WFDC3: variants seen among roughly 807,000 people sequenced by gnomAD.
WFDC3 encodes WAP four-disulfide core domain 3.
Under a neutral mutation model 25.8 loss-of-function variants are expected in WFDC3, and 15 were observed. The observed-to-expected ratio is 0.58, with a 90% confidence interval of 0.39 to 0.89. The LOEUF is 0.89. WFDC3 is among the 40% of genes least tolerant of loss of function. The pLI is 0.00. For missense variants in WFDC3, 264 were observed against 289.8 expected (o/e 0.91, Z 0.65); for synonymous variants, 103 against 107.1 (o/e 0.96, Z 0.24).
At chr20:45,781,679 G>A (rs186314939) in intron 4 of WFDC3, among the ~76,000 whole-genome samples, 245 of 152,288 alleles carry the variant, frequency 1.6e-3, no homozygotes, top group African/African-American at 5.8e-3. Context: ...CACTCACTGT[G>A]AAAGTTCTCT....
intron 2 of WFDC3, among the ~76,000 whole-genome samples, chr20:45,789,505 C>CAAA (rs112440465): frequency 0.012 from 1,587 of 134,886 alleles, 35 homozygotes; most frequent in African/African-American, 0.042. Context: ...GACTCCATCT[C>CAAA]AAAAAAAAAA....
At chr20:45,776,612 AG>A (rs869225679) in intron 5 of WFDC3, among the ~76,000 whole-genome samples, 10,804 of 52,366 alleles carry the variant, frequency 0.21, 1,016 homozygotes, top group East Asian at 0.4. Context: ...AAAAAAAAAA[AG>A]AAAAAAAAGA....
At position 45,787,288 on chromosome 20, in the gene WFDC3, T is replaced by C. The variant is rs1260724323; in HGVS notation, c.358+548A>G. ...CCCAGTGGTTTTCTTTTTTCTTTTT[T>C]TTTTTTTTTTTTTTTTTTTTGAGAC... is the stretch of plus-strand genomic sequence containing the variant. On this transcript the variant is annotated intron_variant, in intron 4 of 6. Coordinates refer to ENST00000243938, the MANE Select transcript of WFDC3 (RefSeq NM_080614.2). 1.1e-4 allele frequency among the ~76,000 whole-genome samples: 12 copies of C among 112,088 alleles called. 1 individual carries two copies. The South Asian group carries it at 2.8e-3, about 26-fold the overall frequency. The allele number at this position is 112,088 out of a possible 152,430, so 73.5% of individuals were successfully genotyped here.
intron 1 of WFDC3, among the ~76,000 whole-genome samples, chr20:45,791,164 C>A (rs1980955594): frequency 7.5e-6 from 1 of 133,154 alleles, no homozygotes; most frequent in African/African-American, 2.8e-5. Context: ...CTCATATGTG[C>A]CTAATATGCT....
chr20:45,786,257 G>C (rs1168720709), intron 4 of WFDC3, among the ~76,000 whole-genome samples: 1 of 152,162 alleles, frequency 6.6e-6, no homozygotes. Flanking sequence ...AGGTGGGGTG[G>C]CATGTGCCTG....
At chr20:45,786,019 C>T (rs1381368512) in intron 4 of WFDC3, among the ~76,000 whole-genome samples, 2 of 152,194 alleles carry the variant, frequency 1.3e-5, no homozygotes, top group Admixed American at 1.3e-4. Context: ...ATGTCCATCG[C>T]ACCCTTCACC....
chr20:45,780,699 T>C (rs1291196087), intron 4 of WFDC3, among the ~76,000 whole-genome samples: 3 of 152,166 alleles, frequency 2.0e-5, no homozygotes, highest in Non-Finnish European at 4.4e-5. Flanking sequence ...AAATACTCAC[T>C]CACAGTCTGT....
intron 5 of WFDC3, among the ~76,000 whole-genome samples, chr20:45,776,278 C>CTGTGTGTGTGTGTGTGTGTG (rs3080047): frequency 9.2e-4 from 94 of 102,024 alleles, no homozygotes; most frequent in Admixed American, 1.6e-3. Context: ...GCTTTTATCT[C>CTGTGTGTGTGTGTGTGTGTG]TGTGTGTGTG....
At chr20:45,787,171 A>T (rs1980709546) in intron 4 of WFDC3, among the ~76,000 whole-genome samples, 1 of 94,414 alleles carries the variant, frequency 1.1e-5, no homozygotes, top group African/African-American at 3.8e-5. Context: ...CATAGGCATC[A>T]AGATTCTTTT....
At chr20:45,782,967 C>T (rs1343524368) in intron 4 of WFDC3, among the ~76,000 whole-genome samples, 1 of 152,190 alleles carries the variant, frequency 6.6e-6, no homozygotes, top group Admixed American at 6.5e-5. Flanking sequence ...CAAATGAAAG[C>T]AGCCTCCTTC....
intron 6 of WFDC3, 125 bp downstream of exon 6, chr20:45,775,292 G>A (rs1015359215): frequency 3.0e-6 from 4 of 1,327,388 alleles, no homozygotes; most frequent in South Asian, 1.4e-5. Context: ...TTTCATCTGG[G>A]ACATAGGTTC....
At chr20:45,786,453 A>G (rs1980670711) in intron 4 of WFDC3, among the ~76,000 whole-genome samples, 3 of 152,034 alleles carry the variant, frequency 2.0e-5, no homozygotes, top group Non-Finnish European at 2.9e-5. Context: ...GCACCCTTTA[A>G]TTTTCCTTCC....
At chr20:45,789,758 C>T in intron 2 of WFDC3, 136 bp downstream of exon 2, 1 of 697,232 alleles carries the variant, frequency 1.4e-6, no homozygotes, top group East Asian at 2.7e-5. Flanking sequence ...AGAATCTATT[C>T]ATCCAGTCCT....
At position 45,788,003 on chromosome 20, in the gene WFDC3, G is replaced by C. The variant is rs200102860; in HGVS notation, c.212-21C>G. On this transcript the variant is annotated intron_variant, in intron 3 of 6. Coordinates refer to ENST00000243938, the MANE Select transcript of WFDC3 (RefSeq NM_080614.2). The stretch of plus-strand genomic sequence containing the variant: ...CCTCCCTGTAGCAAAAAGGGAGACA[G>C]CAAAGAAAAGAGAAAATAGGCCGAG... The C allele has an allele frequency of 1.1e-5, 18 of 1,607,500 alleles. No homozygotes were observed. The African/African-American group carries it at 2.4e-4, about 22-fold the overall frequency.
In WFDC3 at chr20:45,787,977, TC is replaced by T; in HGVS notation, c.216del (p.Arg74GlufsTer13). 6.2e-7 allele frequency: 1 copy of T among 1,612,526 alleles called. No individual in the cohort carries two copies. The highest frequency in any genetic ancestry group is 1.1e-5 in the South Asian group (1 of 90,746). On this transcript the variant is annotated frameshift_variant, in exon 4 of 7. Transcript: ENST00000243938. LOFTEE classifies it high-confidence loss of function. ...CGAATAACCCTAGGGCAATCTCTTT[TC>T]CTCCCTGTAGCAAAAAGGGAGACAG... is the stretch of plus-strand genomic sequence containing the variant. Reference protein sequence around the residue: ...GRICRDIPKGRKRDCPRVIRK... With the variant: ...GRICRDIPKGXKRDCPRVIRK...
intron 4 of WFDC3, chr20:45,779,821 C>G (rs1980358317): frequency 6.6e-6 from 1 of 152,186 alleles, no homozygotes; most frequent in African/African-American, 2.4e-5. Flanking sequence ...CCCTCGTCCT[C>G]AAGACCAGGC....
chr20:45,791,025 G>A, intron 1 of WFDC3: 1 of 459,680 alleles, frequency 2.2e-6, no homozygotes, highest in African/African-American at 2.0e-5. Context: ...CACTGGCACT[G>A]CTTAGTCCTA....
chr20:45,783,798 G>C (rs1411595738), intron 4 of WFDC3, among the ~76,000 whole-genome samples: 2 of 152,170 alleles, frequency 1.3e-5, no homozygotes, highest in Non-Finnish European at 2.9e-5. Context: ...ATTTTTCATA[G>C]CCCTGGAAGG....
intron 4 of WFDC3, among the ~76,000 whole-genome samples, chr20:45,784,495 A>G (rs1386665554): frequency 1.3e-5 from 2 of 152,252 alleles, no homozygotes; most frequent in Non-Finnish European, 2.9e-5. Flanking sequence ...TAATCCCAGC[A>G]CTTTGGGAGG....
Sources: gnomAD v4.1 joint callset for allele counts (sites outside exome capture counted in the v4.1 genomes callset) on GRCh38, gnomAD v4.1.1 for gene constraint, MANE v1.5 for transcripts, NCBI Gene and HGNC (gene_info 2026-07-23, HGNC 2026-07-21) for gene names.